ANO7: variants seen among roughly 807,000 people sequenced by gnomAD.
ANO7 encodes the protein anoctamin-7.
ANO7 carries 114 observed loss-of-function variants against 115.8 expected under a neutral mutation model. That is an observed-to-expected ratio of 0.98 (90% CI 0.85 to 1.15). ANO7 has a LOEUF of 1.15. Among genes scored for constraint, ANO7 ranks in the 50% most tolerant of loss-of-function variants. ANO7 has a pLI of 0.00. For missense variants in ANO7, 1,302 were observed against 1,201.2 expected (o/e 1.08, Z -1.24); for synonymous variants, 550 against 498.2 (o/e 1.10, Z -1.38).
chr2:241,231,766 C>T, the ANO7 span, among the ~76,000 whole-genome samples: 1 of 152,060 alleles, frequency 6.6e-6, no homozygotes, highest in Non-Finnish European at 1.5e-5. Context: ...AGCAGACAAG[C>T]AGACCAAGCA....
the ANO7 span, chr2:241,233,991 CAA>C: frequency 6.2e-7 from 1 of 1,613,550 alleles, no homozygotes; most frequent in South Asian, 1.1e-5. The surrounding 1 kb of genome is among the most constrained non-coding windows in gnomAD (Gnocchi z 4.3). Context: ...AAGAATGAGG[CAA>C]AGATTGAGCT....
In ANO7 at chr2:241,202,205, C is replaced by T. The variant is rs371715875; in HGVS notation, c.624C>T (p.Ile208=). The stretch of plus-strand genomic sequence containing the variant: ...CACATCCCCTGCAGCTGTTTGAGAT[C>T]CTGGCCAAGACCCCGTATGGCCACG... The part of the protein sequence containing the change: ...STKRHQILFE[I]LAKTPYGHEK... The change falls in exon 8 of 25, where the codon ATC becomes ATT. Residue 208 remains isoleucine, a synonymous_variant. Transcript: ENST00000674324. 3.2e-5 allele frequency: 51 copies of T among 1,613,654 alleles called. No homozygotes were observed. The Middle Eastern group carries it at 4.9e-4, about 16-fold the overall frequency.
Position 241,209,498 on chromosome 2 carries a change from G to A in ANO7, c.1222G>A (p.Glu408Lys). 6.3e-7 allele frequency: 1 copy of A among 1,594,762 alleles called. No homozygotes were observed. Among genetic ancestry groups the A allele is most frequent in the Admixed American group, 1.7e-5 (1 of 59,088 alleles). Reference sequence around the variant, plus strand: ...CCACTGAGCACCGGCTCCCTTCCAGGAGAGGCCTCGGCCCCAGTTTGCCGC... The same window carrying A: ...CCACTGAGCACCGGCTCCCTTCCAGAAGAGGCCTCGGCCCCAGTTTGCCGC... ...WDCSDYEDTE[E>K]RPRPQFAASA... Residue 408 changes from glutamate (E) to lysine (K), a missense_variant and splice_region_variant, in exon 13 of 25, where the codon GAG becomes AAG. Coordinates refer to ENST00000674324, the MANE Select transcript of ANO7 (RefSeq NM_001370694.2).
At chr2:241,191,999 T>C (rs1490855631) in intron 3 of ANO7, among the ~76,000 whole-genome samples, 2 of 152,226 alleles carry the variant, frequency 1.3e-5, no homozygotes, top group Admixed American at 1.3e-4. Flanking sequence ...TCATTCACTG[T>C]AGCTGGAAGG....
At chr2:241,235,215 A>T in the ANO7 span, 3 of 1,614,186 alleles carry the variant, frequency 1.9e-6, no homozygotes, top group Non-Finnish European at 2.5e-6. Context: ...GATGGCGATG[A>T]TGTCAGACTG....
At chr2:241,231,555 CG>C in the ANO7 span, among the ~76,000 whole-genome samples, 171 of 152,260 alleles carry the variant, frequency 1.1e-3, no homozygotes, top group Non-Finnish European at 1.7e-3. Context: ...TCAAGGACAG[CG>C]GGGCAAAGAC....
At position 241,208,956 on chromosome 2, in the gene ANO7, T is replaced by C. The variant is rs34575418; in HGVS notation, c.1078-329T>C. The stretch of plus-strand genomic sequence containing the variant: ...CAAGGTCAGAAGATCGAGACCATCC[T>C]GGCTAACACGGTGAAACCTCGTCTC... On this transcript the variant is annotated intron_variant, in intron 11 of 24. Coordinates refer to ENST00000674324, the MANE Select transcript of ANO7 (RefSeq NM_001370694.2). Among the ~76,000 whole-genome samples the C allele has an allele frequency of 2.8e-3, 420 of 152,246 alleles. 1 individual carries two copies. Among genetic ancestry groups the C allele is most frequent in the South Asian group, 5.4e-3 (26 of 4,828 alleles).
rs137878201 is a variant in ANO7, at chr2:241,207,653, G to T, written c.1060G>T (p.Ala354Ser). 7.4e-6 allele frequency: 12 copies of T among 1,613,766 alleles called. No individual in the cohort carries two copies. The highest frequency in any genetic ancestry group is 1.6e-4 in the Middle Eastern group (1 of 6,062). Residue 354 changes from alanine (A) to serine (S), a missense_variant, in exon 11 of 25, where the codon GCC becomes TCC. By Grantham distance (99) the Ala-to-Ser change is moderately conservative. Coordinates refer to ENST00000674324, the MANE Select transcript of ANO7 (RefSeq NM_001370694.2). ...CTGCCCTTTCTGGCTGCTCTCCAGC[G>T]CCTGTGCCCTGGCCCAGGTACGAGA... ...LDCPFWLLSS[A>S]CALAQAGRLF...
At chr2:241,236,983 G>A in the ANO7 span, among the ~76,000 whole-genome samples, 7 of 107,394 alleles carry the variant, frequency 6.5e-5, no homozygotes, top group African/African-American at 1.7e-4. Flanking sequence ...ACCTTGGGGG[G>A]GGGGGGGGGG....
In ANO7 at chr2:241,220,458, A is replaced by G. The variant is rs772566946; in HGVS notation, c.2321+2077A>G. Among the ~76,000 whole-genome samples, 103 of 152,290 alleles carry G rather than the reference A, an allele frequency of 6.8e-4. 1 individual carries two copies. The Middle Eastern group carries it at 0.017, about 25-fold the overall frequency. On this transcript the variant is annotated intron_variant, in intron 21 of 24. Transcript: ENST00000674324. ...ATGCTTATAATCCCAGCACTTTGGG[A>G]GGCCGAGGCAGGTGGATCATTTGAG...
Position 241,203,156 on chromosome 2 carries a change from G to A in ANO7, c.724-177G>A, listed in dbSNP as rs1211882018. 1.3e-5 allele frequency among the ~76,000 whole-genome samples: 2 copies of A among 152,124 alleles called. No individual in the cohort carries two copies. Among genetic ancestry groups the A allele is most frequent in the Non-Finnish European group, 2.9e-5 (2 of 67,992 alleles). ...ACCACATATGTCCCCTCCTCAGAGA[G>A]GTCCTCCCGGACCACCCTGTACCCA... On this transcript the variant is annotated intron_variant, in intron 8 of 24. Coordinates refer to ENST00000674324, the MANE Select transcript of ANO7 (RefSeq NM_001370694.2). The surrounding 1 kb of genome is among the most constrained non-coding windows in gnomAD (Gnocchi z 4.8).
the ANO7 span, chr2:241,240,170 CCA>C: frequency 7.0e-6 from 11 of 1,569,882 alleles, no homozygotes; most frequent in East Asian, 2.0e-4. The surrounding 1 kb of genome is among the most constrained non-coding windows in gnomAD (Gnocchi z 5.5). Context: ...CGTGCCTGGA[CCA>C]CAGTGAGGAA....
chr2:241,224,296 T>C lies in ANO7; in HGVS notation c.*143T>C, dbSNP rs1040483664. The C allele has an allele frequency of 5.5e-6, 5 of 914,458 alleles. No homozygotes were observed. In the Admixed American group the frequency reaches 1.0e-4, roughly 19 times the overall value. The allele number at this position is 914,458 out of a possible 1,614,324, so 56.6% of individuals were successfully genotyped here. On this transcript the variant is annotated 3_prime_UTR_variant, in exon 25 of 25. Coordinates refer to ENST00000674324, the MANE Select transcript of ANO7 (RefSeq NM_001370694.2). ...CTCATCTCTGGGCACATTGCCTGCT[T>C]CCCCCCAGCGCCGGCTTCTCTCCTC...
chr2:241,226,405 G>A (rs1219921971), downstream of ANO7, among the ~76,000 whole-genome samples: 1 of 152,016 alleles, frequency 6.6e-6, no homozygotes, highest in African/African-American at 2.4e-5. Context: ...CAGAACTGCT[G>A]GGTCAGGGAT....
the ANO7 span, chr2:241,233,994 A>C: frequency 6.2e-7 from 1 of 1,613,476 alleles, no homozygotes; most frequent in Non-Finnish European, 8.5e-7. This position sits in a 1 kb window ranked among gnomAD's most constrained non-coding sequence, Gnocchi z 4.3. Flanking sequence ...AATGAGGCAA[A>C]GATTGAGCTG....
chr2:241,216,085 G>T lies in ANO7; in HGVS notation c.1827-8G>T. Reference sequence around the variant, plus strand: ...TCAAAGGCCATTTTCCTGTATTCCCGTCCCCAGGAAGCTAAAGGGCTGGTG... The same window carrying T: ...TCAAAGGCCATTTTCCTGTATTCCCTTCCCCAGGAAGCTAAAGGGCTGGTG... On this transcript the variant is annotated splice_region_variant and splice_polypyrimidine_tract_variant and intron_variant, in intron 18 of 24. Transcript: ENST00000674324. The T allele has an allele frequency of 6.3e-7, 1 of 1,599,778 alleles. No individual in the cohort carries two copies. Among genetic ancestry groups the T allele is most frequent in the Non-Finnish European group, 8.5e-7 (1 of 1,174,872 alleles).
the ANO7 span, among the ~76,000 whole-genome samples, chr2:241,232,521 C>A: frequency 6.6e-6 from 1 of 152,176 alleles, no homozygotes; most frequent in Non-Finnish European, 1.5e-5. Flanking sequence ...GGGGATCCAC[C>A]CGCCTCGGCC....
intron 17 of ANO7, 38 bp from the exon 18 acceptor site, chr2:241,214,766 GT>G: frequency 6.3e-7 from 1 of 1,576,504 alleles, no homozygotes; most frequent in Non-Finnish European, 8.7e-7. Context: ...TGAGTGGCTG[GT>G]CCCCCTCTCC....
chr2:241,239,509 A>C, the ANO7 span: 1 of 999,916 alleles, frequency 1.0e-6, no homozygotes, highest in Non-Finnish European at 1.5e-6. This position sits in a 1 kb window ranked among gnomAD's most constrained non-coding sequence, Gnocchi z 4.6. Context: ...TGAGGGAGTC[A>C]CCTCCCTACA....
Sources: gnomAD v4.1 joint callset for allele counts (sites outside exome capture counted in the v4.1 genomes callset) on GRCh38, gnomAD v4.1.1 for gene constraint, Gnocchi (gnomAD v3.1) non-coding constraint, MANE v1.5 for transcripts, NCBI Gene and HGNC (gene_info 2026-07-23, HGNC 2026-07-21) for gene names.